The following SH3TC1 variants were observed in gnomAD, a reference collection of about 807,000 sequenced individuals.
SH3TC1 encodes SH3 domain and tetratricopeptide repeat-containing protein 1.
A neutral mutation model predicts 117.3 loss-of-function variants in SH3TC1; 135 were observed. That is an observed-to-expected ratio of 1.15 (90% CI 1.00 to 1.33). SH3TC1 has a LOEUF of 1.33. SH3TC1 is among the 40% of genes most tolerant of loss of function. The pLI, the probability that SH3TC1 is intolerant of heterozygous loss-of-function variation, is 0.00. For missense variants in SH3TC1, 2,092 were observed against 1,794.3 expected (o/e 1.17, Z -3.00); for synonymous variants, 898 against 816.9 (o/e 1.10, Z -1.69).
chr4:8,230,362 C>G (rs1375050508), intron 12 of SH3TC1, among the ~76,000 whole-genome samples: 1 of 152,134 alleles, frequency 6.6e-6, no homozygotes, highest in Non-Finnish European at 1.5e-5. Context: ...GTCTTGAATG[C>G]TGGCCTCAAG....
Position 8,206,981 on chromosome 4 carries a change from T to C in SH3TC1, c.172+1615T>C, listed in dbSNP as rs544533591. ...TTCTCTTATATAACCGCATTGTAAT[T>C]ATTTCAATGTTAATTCCCTGCTTTT... is the stretch of plus-strand genomic sequence containing the variant. On this transcript the variant is annotated intron_variant, in intron 2 of 17. Transcript: ENST00000245105. This position sits in a 1 kb window ranked among gnomAD's most constrained non-coding sequence, Gnocchi z 5.5. Among the ~76,000 whole-genome samples the C allele has an allele frequency of 6.6e-6, 1 of 151,878 alleles. No individual in the cohort carries two copies. The highest frequency in any genetic ancestry group is 6.6e-5 in the Admixed American group (1 of 15,232).
At chr4:8,238,556 C>A (rs1722028986) in intron 17 of SH3TC1, among the ~76,000 whole-genome samples, 2 of 152,130 alleles carry the variant, frequency 1.3e-5, no homozygotes, top group South Asian at 4.1e-4. Context: ...GCTGCGGCAA[C>A]CCTAAGACCC....
chr4:8,196,713 C>A (rs370279423), upstream of SH3TC1, among the ~76,000 whole-genome samples: 7 of 152,166 alleles, frequency 4.6e-5, no homozygotes, highest in African/African-American at 1.7e-4. This position sits in a 1 kb window ranked among gnomAD's most constrained non-coding sequence, Gnocchi z 4.6. Context: ...AAGTTGAGCC[C>A]TGATGGGAGA....
chr4:8,204,741 T>C (rs1983342), intron 1 of SH3TC1: 9 of 154,046 alleles, frequency 5.8e-5, no homozygotes, highest in Non-Finnish European at 4.3e-5. Context: ...TTTGTGACGC[T>C]GGAAGGGGGA....
chr4:8,205,856 G>A lies in SH3TC1; in HGVS notation c.172+490G>A. The A allele has an allele frequency of 3.4e-6, 2 of 584,756 alleles. No individual in the cohort carries two copies. The highest frequency in any genetic ancestry group is 6.1e-6 in the Non-Finnish European group (2 of 327,824). 36.2% of individuals were successfully genotyped at this position (584,756 alleles called of 1,614,324 possible). A position where few individuals can be genotyped will look rare whatever the true frequency, so the allele number is the denominator to read the frequency against. ...CCGGGAGACCTGAAGAGTGACCTAG[G>A]TGATCTCCAGGATCCCCTCTTACCC... On this transcript the variant is annotated intron_variant, in intron 2 of 17. Coordinates refer to ENST00000245105, the MANE Select transcript of SH3TC1 (RefSeq NM_018986.5). This position sits in a 1 kb window ranked among gnomAD's most constrained non-coding sequence, Gnocchi z 5.4.
intron 13 of SH3TC1, chr4:8,232,872 G>A (rs568277335): frequency 2.4e-6 from 3 of 1,235,788 alleles, no homozygotes; most frequent in East Asian, 5.7e-5. Context: ...GTGGTCCCTG[G>A]ACCAGCAGAG....
At chr4:8,219,254 G>C (rs1430548241) in intron 8 of SH3TC1, 81 bp from the exon 9 acceptor site, 23 of 1,378,696 alleles carry the variant, frequency 1.7e-5, no homozygotes, top group Non-Finnish European at 2.2e-5. Context: ...CATGGTTCAG[G>C]GTGGCTGGCA....
intron 12 of SH3TC1, 168 bp from the exon 13 acceptor site, chr4:8,231,808 T>G: frequency 1.4e-6 from 1 of 713,814 alleles, no homozygotes; most frequent in Non-Finnish European, 2.3e-6. Context: ...ACCATGGGCA[T>G]CTGCACCAAG....
rs1343118876 is a variant in SH3TC1 at position 8,228,077 on chromosome 4, C to G, written c.2383C>G (p.Leu795Val). ...CCCCCTCTACACCAGCTTGGCCCAG[C>G]TGTACAGCCACCATGGCTGCCACGG... ...RGPLYTSLAQLYSHHGCHGPA... is the reference protein window; with the variant it reads ...RGPLYTSLAQVYSHHGCHGPA... The change falls in exon 12 of 18, where the codon CTG becomes GTG. Residue 795 changes from leucine to valine, a missense_variant. Leu to Val is a conservative substitution (Grantham distance 32). Transcript: ENST00000245105. The G allele has an allele frequency of 1.2e-6, 2 of 1,607,018 alleles. No individual in the cohort carries two copies. Among genetic ancestry groups the G allele is most frequent in the East Asian group, 2.2e-5 (1 of 44,786 alleles).
In SH3TC1 at chr4:8,233,420, C is replaced by A. The variant is rs1721434710; in HGVS notation, c.3189C>A (p.Leu1063=). 1 of 1,613,930 alleles carries A rather than the reference C, an allele frequency of 6.2e-7. No individual in the cohort carries two copies. Among genetic ancestry groups the A allele is most frequent in the Middle Eastern group, 1.7e-4 (1 of 6,056 alleles). Residue 1063 remains leucine (L), a synonymous_variant, in exon 14 of 18, where the codon CTC becomes CTA. Transcript: ENST00000245105. ...GAAGTCTGGGGATTTTCATTGACCT[C>A]CAGAAGAAAGAGAAGGAGGCGCATG... The part of the protein sequence containing the change: ...TKRSLGIFID[L]QKKEKEAHAW...
At chr4:8,194,274 T>C (rs1717497094) in intron 1 of SH3TC1, among the ~76,000 whole-genome samples, 1 of 152,232 alleles carries the variant, frequency 6.6e-6, no homozygotes, top group Non-Finnish European at 1.5e-5. Flanking sequence ...AGATTTGGGC[T>C]TTCCTGAAGG....
At chr4:8,220,031 C>A (rs1038434565) in intron 9 of SH3TC1, among the ~76,000 whole-genome samples, 12 of 152,164 alleles carry the variant, frequency 7.9e-5, no homozygotes, top group African/African-American at 2.9e-4. Context: ...GTGTGTCTTC[C>A]GTATTCTCTT....
chr4:8,233,191 G>T, intron 13 of SH3TC1, 172 bp from the exon 14 acceptor site: 2 of 1,401,480 alleles, frequency 1.4e-6, no homozygotes, highest in Non-Finnish European at 1.8e-6. Flanking sequence ...TTTCCTTGCC[G>T]TGTGTGTTCA....
chr4:8,196,893 G>A (rs982907691), upstream of SH3TC1, among the ~76,000 whole-genome samples: 4 of 152,164 alleles, frequency 2.6e-5, no homozygotes, highest in African/African-American at 9.7e-5. The surrounding 1 kb of genome is among the most constrained non-coding windows in gnomAD (Gnocchi z 4.6). Context: ...CAGGCTGTTG[G>A]GGTTGAGGGG....
Position 8,205,014 on chromosome 4 carries a change from ACGGTGCACGGTG to A in SH3TC1, c.-28-147_-28-136del, listed in dbSNP as rs1718078886. 3.7e-6 allele frequency: 2 copies of A among 537,356 alleles called. No individual in the cohort carries two copies. The highest frequency in any genetic ancestry group is 6.2e-6 in the Non-Finnish European group (2 of 322,164). The allele number at this position is 537,356 out of a possible 1,614,324, so 33.3% of individuals were successfully genotyped here. On this transcript the variant is annotated intron_variant, in intron 1 of 17. Coordinates refer to ENST00000245105, the MANE Select transcript of SH3TC1 (RefSeq NM_018986.5). The surrounding 1 kb of genome is among the most constrained non-coding windows in gnomAD (Gnocchi z 5.4). ...GGTGCGGGATCACGCCCACCACAAC[ACGGTGCACGGTG>A]CGGTGAGGGGCTCGCTGGATCTGAA...
intron 1 of SH3TC1, among the ~76,000 whole-genome samples, chr4:8,191,499 G>C (rs1257384616): frequency 6.6e-6 from 1 of 152,240 alleles, no homozygotes; most frequent in Non-Finnish European, 1.5e-5. Context: ...CTGCTCTTCT[G>C]ATCAGGGGCC....
rs773447586 is a variant in SH3TC1, at chr4:8,218,344, A to T, written c.913A>T (p.Met305Leu). 6.2e-7 allele frequency: 1 copy of T among 1,609,936 alleles called. No homozygotes were observed. Among genetic ancestry groups the T allele is most frequent in the Non-Finnish European group, 8.5e-7 (1 of 1,176,766 alleles). The change falls in exon 8 of 18, where the codon ATG becomes TTG. Residue 305 changes from methionine (M) to leucine (L), a missense_variant. Physicochemically the swap from Met to Leu is conservative, Grantham distance 15. Coordinates refer to ENST00000245105, the MANE Select transcript of SH3TC1 (RefSeq NM_018986.5). ...GGPVMPGNPLMAVGLASALAD... is the reference protein window; with the variant it reads ...GGPVMPGNPLLAVGLASALAD... The stretch of plus-strand genomic sequence containing the variant: ...CCCTGTGATGCCCGGCAACCCGCTG[A>T]TGGGTAAGTGTTTCCATGGGCCTCT...
chr4:8,186,110 C>A lies in SH3TC1; in HGVS notation c.-57+3900C>A, dbSNP rs972648973. Among the ~76,000 whole-genome samples the A allele has an allele frequency of 8.5e-5, 13 of 152,330 alleles. No homozygotes were observed. The highest frequency in any genetic ancestry group is 6.8e-3 in the Middle Eastern group (2 of 292). On this transcript the variant is annotated intron_variant, in intron 1 of 16. Coordinates refer to the SH3TC1 transcript ENST00000508641. This position sits in a 1 kb window ranked among gnomAD's most constrained non-coding sequence, Gnocchi z 5.2. Reference sequence around the variant, plus strand: ...ACTGTGGAGTTGTCGATTTTTTCCTCTGGTGCTTGAAGTGGAGGTCAGCTT... The same window carrying A: ...ACTGTGGAGTTGTCGATTTTTTCCTATGGTGCTTGAAGTGGAGGTCAGCTT...
In SH3TC1 at chr4:8,214,366, C is replaced by A. The variant is rs1719027301; in HGVS notation, c.376-109C>A. 3.0e-6 allele frequency: 3 copies of A among 987,542 alleles called. No individual in the cohort carries two copies. In the South Asian group the frequency reaches 4.5e-5, roughly 15 times the overall value. The allele number at this position is 987,542 out of a possible 1,614,324, so 61.2% of individuals were successfully genotyped here. A position where few individuals can be genotyped will look rare whatever the true frequency, so the allele number is the denominator to read the frequency against. ...GGAATCTGCCCTGGGTGTGTCGTCC[C>A]CCGCCGGGGCCACATCTGCAAGATG... is the stretch of plus-strand genomic sequence containing the variant. On this transcript the variant is annotated intron_variant, in intron 4 of 17. Coordinates refer to ENST00000245105, the MANE Select transcript of SH3TC1 (RefSeq NM_018986.5).
Sources: allele counts gnomAD v4.1 joint callset (sites outside exome capture counted in the v4.1 genomes callset), GRCh38; gene constraint gnomAD v4.1.1; non-coding constraint Gnocchi (gnomAD v3.1); transcripts MANE v1.5; gene names NCBI Gene and HGNC (gene_info 2026-07-23, HGNC 2026-07-21).